Variants in DPH6 observed in about 807,000 individuals in gnomAD.
The protein encoded by DPH6 is diphthine--ammonia ligase.
A neutral mutation model predicts 38.2 loss-of-function variants in DPH6; 33 were observed. The observed-to-expected ratio is 0.86, with a 90% CI of 0.65 to 1.15. DPH6 has a LOEUF of 1.15. Among genes scored for constraint, DPH6 ranks in the 50% most tolerant of loss-of-function variants. The probability of loss-of-function intolerance (pLI) is 0.00; values close to 1 mark genes in which losing one functional copy is unlikely to be tolerated. For missense variants in DPH6, 325 were observed against 320.0 expected (o/e 1.02, Z -0.12); for synonymous variants, 108 against 103.0 (o/e 1.05, Z -0.30).
chr15:35,419,553 C>A (rs1173063263), intron 5 of DPH6, among the ~76,000 whole-genome samples: 10 of 151,982 alleles, frequency 6.6e-5, no homozygotes, highest in African/African-American at 2.4e-4. Flanking sequence ...CTACAAGAGA[C>A]TCAGTTCACC....
At chr15:35,400,675 T>C (rs2053205459) in intron 6 of DPH6, 2 of 641,150 alleles carry the variant, frequency 3.1e-6, no homozygotes, top group East Asian at 2.6e-5. Flanking sequence ...TTAAAGTCTC[T>C]CTTCCCCCTG....
chr15:35,401,531 G>C, intron 6 of DPH6: 1 of 772,012 alleles, frequency 1.3e-6, no homozygotes, highest in East Asian at 2.4e-5. Context: ...AACAATGGAG[G>C]CAGAGGTGGC....
the DPH6 span, among the ~76,000 whole-genome samples, chr15:35,189,726 GA>G: frequency 9.9e-5 from 15 of 152,248 alleles, no homozygotes; most frequent in African/African-American, 2.9e-4. Context: ...ATTAATGAAA[GA>G]AAAGCCACGA....
At chr15:35,171,594 G>A in the DPH6 span, among the ~76,000 whole-genome samples, 1 of 151,990 alleles carries the variant, frequency 6.6e-6, no homozygotes, top group Admixed American at 6.6e-5. Flanking sequence ...AATATCTTTT[G>A]TAGAACCAAG....
chr15:35,215,063 T>G (rs539444552), downstream of DPH6, among the ~76,000 whole-genome samples: 4 of 152,366 alleles, frequency 2.6e-5, no homozygotes, highest in African/African-American at 9.6e-5. Flanking sequence ...TAACACCATC[T>G]TGTGCAATAA....
At chr15:35,263,460 C>T (rs1464523446) in intron 3 of DPH6, among the ~76,000 whole-genome samples, 2 of 138,360 alleles carry the variant, frequency 1.4e-5, no homozygotes, top group Non-Finnish European at 3.0e-5. Flanking sequence ...GGCTAGAGTG[C>T]AGTGGCATGA....
intron 3 of DPH6, among the ~76,000 whole-genome samples, chr15:35,354,861 A>T (rs943334624): frequency 6.6e-6 from 1 of 152,010 alleles, no homozygotes; most frequent in Non-Finnish European, 1.5e-5. Flanking sequence ...TCTCTTGTTG[A>T]TCTGTCTAAT....
At chr15:35,532,061 G>C (rs2055096466) in intron 3 of DPH6, among the ~76,000 whole-genome samples, 1 of 152,118 alleles carries the variant, frequency 6.6e-6, no homozygotes, top group Non-Finnish European at 1.5e-5. Context: ...GGGTTCTTCA[G>C]GAGGACAAAG....
chr15:35,460,437 A>T (rs12050906), intron 3 of DPH6, among the ~76,000 whole-genome samples: 94,306 of 152,014 alleles, frequency 0.62, 33,146 homozygotes, highest in South Asian at 0.83. Context: ...CTGGACCCTA[A>T]ATAGGCTGGC....
intron 3 of DPH6, among the ~76,000 whole-genome samples, chr15:35,325,144 A>G (rs757369733): frequency 9.2e-5 from 14 of 152,118 alleles, no homozygotes; most frequent in Non-Finnish European, 2.1e-4. Context: ...TTGAAGTTTG[A>G]CATTTTCCCC....
intron 6 of DPH6, 72 bp downstream of exon 6, chr15:35,410,763 T>A: frequency 8.0e-7 from 1 of 1,250,500 alleles, no homozygotes; most frequent in Non-Finnish European, 1.1e-6. Context: ...AATTTTTTAA[T>A]CATTGTATCA....
At chr15:35,529,559 C>A (rs2055056310) in intron 3 of DPH6, among the ~76,000 whole-genome samples, 1 of 152,104 alleles carries the variant, frequency 6.6e-6, no homozygotes, top group East Asian at 1.9e-4. Flanking sequence ...GATTTTTTCA[C>A]CCTCTGAACT....
At chr15:35,447,009 C>T (rs752531407) in intron 5 of DPH6, among the ~76,000 whole-genome samples, 1 of 152,050 alleles carries the variant, frequency 6.6e-6, no homozygotes, top group Non-Finnish European at 1.5e-5. Flanking sequence ...GCTAGGACTA[C>T]AGGCGTCCAC....
At position 35,383,116 on chromosome 15, in the gene DPH6, T is replaced by C. The variant is rs188429983; in HGVS notation, c.568-1200A>G. Among the ~76,000 whole-genome samples the C allele has an allele frequency of 3.3e-5, 5 of 152,340 alleles. No homozygotes were observed. The East Asian group carries it at 9.6e-4, about 29-fold the overall frequency. ...TATGTGGGGAGTATACCTTATCATT[T>C]ATTAGCATTCTTTTATTAGAAAATG... On this transcript the variant is annotated intron_variant, in intron 6 of 8. Transcript: ENST00000256538.
intron 3 of DPH6, among the ~76,000 whole-genome samples, chr15:35,323,503 T>C (rs1027608437): frequency 5.3e-5 from 8 of 152,182 alleles, no homozygotes; most frequent in African/African-American, 1.9e-4. Context: ...TTTGTCAACA[T>C]CACTTTGCTC....
At chr15:35,422,647 G>T (rs2053520645) in intron 5 of DPH6, among the ~76,000 whole-genome samples, 1 of 151,814 alleles carries the variant, frequency 6.6e-6, no homozygotes, top group African/African-American at 2.4e-5. Context: ...TAGACACACT[G>T]TTGTACATTA....
At chr15:35,282,606 A>T (rs1278933478) in intron 3 of DPH6, 3 of 380,622 alleles carry the variant, frequency 7.9e-6, no homozygotes, top group Non-Finnish European at 1.6e-5. Context: ...ATGGGAGATG[A>T]GCCAATCTGG....
chr15:35,473,962 G>A (rs1272862872), intron 3 of DPH6, among the ~76,000 whole-genome samples: 15 of 139,888 alleles, frequency 1.1e-4, no homozygotes, highest in African/African-American at 3.1e-4. Flanking sequence ...GTGTGTGCGC[G>A]CGCGCGCGTG....
At chr15:35,397,869 A>ATACACACACGCACACACACACACG (rs1555398531) in intron 6 of DPH6, among the ~76,000 whole-genome samples, 29 of 108,494 alleles carry the variant, frequency 2.7e-4, no homozygotes, top group Admixed American at 2.1e-3. Context: ...TTATATATAT[A>ATACACACACGCACACACACACACG]CACACACACA....
Sources: gnomAD v4.1 joint callset for allele counts (sites outside exome capture counted in the v4.1 genomes callset) on GRCh38, gnomAD v4.1.1 for gene constraint, MANE v1.5 for transcripts, NCBI Gene and HGNC (gene_info 2026-07-23, HGNC 2026-07-21) for gene names.